Variants in F7 observed in about 807,000 individuals in gnomAD.
F7 encodes the protein coagulation factor VII.
A neutral mutation model predicts 47.5 loss-of-function variants in F7; 38 were observed. That is an observed-to-expected ratio of 0.80 (90% CI 0.62 to 1.05). F7 has a LOEUF of 1.05. Ranked by LOEUF, F7 falls within the 50% of genes least tolerant of loss-of-function variation. The pLI, the probability that F7 is intolerant of heterozygous loss-of-function variation, is 0.00. For missense variants in F7, 575 were observed against 605.4 expected, an observed-to-expected ratio of 0.95 and a Z score of 0.53; for synonymous variants, 244 against 258.5, an observed-to-expected ratio of 0.94 and a Z score of 0.54.
At chr13:113,106,258 A>T (rs2035950702) in intron 1 of F7, among the ~76,000 whole-genome samples, 1 of 112,052 alleles carries the variant, frequency 8.9e-6, no homozygotes, top group Non-Finnish European at 1.8e-5. Context: ...CAGGCTGGGG[A>T]GCACAGGTAG....
chr13:113,110,813 A>T lies in F7; in HGVS notation c.188A>T (p.Glu63Val). ...RECKEEQCSF[E>V]EAREIFKDAE... ...TGCAAGGAGGAGCAGTGCTCCTTCGAGGAGGCCCGGGAGATCTTCAAGGAC... is the reference window on the plus strand; with the variant it reads ...TGCAAGGAGGAGCAGTGCTCCTTCGTGGAGGCCCGGGAGATCTTCAAGGAC... The change falls in exon 2 of 8, where the codon GAG becomes GTG. Residue 63 changes from glutamate to valine, a missense_variant. Transcript: ENST00000346342. 1 of 1,559,418 alleles carries T rather than the reference A, an allele frequency of 6.4e-7. No individual in the cohort carries two copies. Among genetic ancestry groups the T allele is most frequent in the South Asian group, 1.2e-5 (1 of 84,610 alleles).
In F7 at chr13:113,113,639, C is replaced by A; in HGVS notation, c.226-113C>A. On this transcript the variant is annotated intron_variant, in intron 2 of 7. Coordinates refer to ENST00000346342, the MANE Select transcript of F7 (RefSeq NM_019616.4). The surrounding 1 kb of genome is among the most constrained non-coding windows in gnomAD (Gnocchi z 4.1). ...GAAAGTCTGGCTTCCTGAGCCCACCCCGCCAGACCCAGGTCCAAGTCCCCC... is the reference window on the plus strand; with the variant it reads ...GAAAGTCTGGCTTCCTGAGCCCACCACGCCAGACCCAGGTCCAAGTCCCCC... The A allele has an allele frequency of 8.9e-7, 1 of 1,123,684 alleles. No homozygotes were observed. Among genetic ancestry groups the A allele is most frequent in the South Asian group, 1.2e-5 (1 of 81,222 alleles). 69.6% of individuals were successfully genotyped at this position (1,123,684 alleles called of 1,614,324 possible).
At chr13:113,107,939 T>A (rs377309054) in intron 1 of F7, among the ~76,000 whole-genome samples, 1 of 55,736 alleles carries the variant, frequency 1.8e-5, no homozygotes, top group African/African-American at 6.4e-5. Context: ...GTCCCGGGGG[T>A]GTGGGTGTCC....
intron 2 of F7, among the ~76,000 whole-genome samples, chr13:113,112,660 ACACCTCACAGAGGT>A (rs906216027): frequency 7.1e-6 from 1 of 141,814 alleles, no homozygotes; most frequent in Non-Finnish European, 1.5e-5. Flanking sequence ...CACCCACAGG[ACACCTCACAGAGGT>A]CACCTCACAC....
chr13:113,109,368 T>C (rs1244858437), intron 1 of F7, among the ~76,000 whole-genome samples: 4 of 151,984 alleles, frequency 2.6e-5, no homozygotes, highest in Non-Finnish European at 5.9e-5. Flanking sequence ...CCCACCTCCT[T>C]GAGCCCGATT....
chr13:113,113,579 G>T lies in F7; in HGVS notation c.226-173G>T, dbSNP rs535735367. 2.0e-5 allele frequency among the ~76,000 whole-genome samples: 3 copies of T among 152,280 alleles called. No homozygotes were observed. Among genetic ancestry groups the T allele is most frequent in the Non-Finnish European group, 4.4e-5 (3 of 68,022 alleles). On this transcript the variant is annotated intron_variant, in intron 2 of 7. Coordinates refer to ENST00000346342, the MANE Select transcript of F7 (RefSeq NM_019616.4). This position sits in a 1 kb window ranked among gnomAD's most constrained non-coding sequence, Gnocchi z 4.1. ...ATAGTTCCAGATGTCCTGGGGAGGGGCCAAGATTAGAAGAAACCTACCTCA... is the reference window on the plus strand; with the variant it reads ...ATAGTTCCAGATGTCCTGGGGAGGGTCCAAGATTAGAAGAAACCTACCTCA...
In F7 at chr13:113,106,954, G is replaced by A. The variant is rs771689023; in HGVS notation, c.64+1049G>A. On this transcript the variant is annotated intron_variant, in intron 1 of 7. Coordinates refer to ENST00000346342, the MANE Select transcript of F7 (RefSeq NM_019616.4). ...TGGTTTTGTCCTGGGGCCCAGTGGG[G>A]GCCAACATCACCTCCTTCCCCTCCC... The A allele has an allele frequency of 5.1e-6, 8 of 1,561,368 alleles. No homozygotes were observed. In the East Asian group the frequency reaches 1.2e-4, roughly 23 times the overall value.
chr13:113,107,154 T>C (rs1430079132), intron 1 of F7, among the ~76,000 whole-genome samples: 1 of 152,100 alleles, frequency 6.6e-6, no homozygotes, highest in Non-Finnish European at 1.5e-5. Flanking sequence ...CTTCATCAGG[T>C]TTTCCTCAGT....
chr13:113,114,932 T>TGCA (rs1296858997), intron 4 of F7: 3 of 154,840 alleles, frequency 1.9e-5, no homozygotes, highest in African/African-American at 7.2e-5. Context: ...AGCTCTCCTG[T>TGCA]GCAGCAGCCA....
Position 113,113,644 on chromosome 13 carries a change from A to T in F7, c.226-108A>T. Reference sequence around the variant, plus strand: ...TCTGGCTTCCTGAGCCCACCCCGCCAGACCCAGGTCCAAGTCCCCCAACCC... The same window carrying T: ...TCTGGCTTCCTGAGCCCACCCCGCCTGACCCAGGTCCAAGTCCCCCAACCC... On this transcript the variant is annotated intron_variant, in intron 2 of 7. Transcript: ENST00000346342. This position sits in a 1 kb window ranked among gnomAD's most constrained non-coding sequence, Gnocchi z 4.1. 3 of 1,168,300 alleles carry T rather than the reference A, an allele frequency of 2.6e-6. No individual in the cohort carries two copies. The highest frequency in any genetic ancestry group is 2.0e-4 in the Middle Eastern group (1 of 5,066). The allele number at this position is 1,168,300 out of a possible 1,614,324, so 72.4% of individuals were successfully genotyped here. A position where few individuals can be genotyped will look rare whatever the true frequency, so the allele number is the denominator to read the frequency against.
chr13:113,118,426 C>T lies in F7; in HGVS notation c.753C>T (p.Leu251=), dbSNP rs1484091044. The stretch of plus-strand genomic sequence containing the variant: ...TCTTCCTTCCAGGCGAGCACGACCT[C>T]AGCGAGCACGACGGGGATGAGCAGA... ...NLIAVLGEHD[L]SEHDGDEQSR... The change falls in exon 8 of 8, where the codon CTC becomes CTT. Residue 251 remains leucine, a synonymous_variant. Transcript: ENST00000346342. 2.5e-6 allele frequency: 4 copies of T among 1,597,644 alleles called. No individual in the cohort carries two copies. The highest frequency in any genetic ancestry group is 1.1e-5 in the South Asian group (1 of 90,588).
At chr13:113,117,407 G>A (rs544366771) in intron 6 of F7, 66 bp from the exon 7 acceptor site, 2 of 1,603,858 alleles carry the variant, frequency 1.2e-6, no homozygotes, top group Admixed American at 1.7e-5. Context: ...GCATGCCCGG[G>A]AGGGCGAGTC....
chr13:113,109,728 C>G (rs1309102330), intron 1 of F7, among the ~76,000 whole-genome samples: 1 of 152,156 alleles, frequency 6.6e-6, no homozygotes, highest in Non-Finnish European at 1.5e-5. Flanking sequence ...CTCCCGCCTG[C>G]CCCCAGGCCC....
chr13:113,115,790 C>T lies in F7; in HGVS notation c.495C>T (p.Cys165=), dbSNP rs1162843233. ...GYSLLADGVS[C]TPTVEYPCGK... is the part of the protein sequence containing the mutation. ...CTCTGCTGGCAGACGGGGTGTCCTG[C>T]ACACCCACAGGTGACCAGGCTTCAT... Residue 165 remains cysteine (C), a synonymous_variant, in exon 5 of 8, where the codon TGC becomes TGT. Transcript: ENST00000346342. The T allele has an allele frequency of 1.2e-6, 2 of 1,613,148 alleles. No individual in the cohort carries two copies. The highest frequency in any genetic ancestry group is 1.7e-6 in the Non-Finnish European group (2 of 1,180,034).
intron 2 of F7, among the ~76,000 whole-genome samples, chr13:113,112,132 C>A (rs986386778): frequency 1.4e-5 from 2 of 147,116 alleles, no homozygotes; most frequent in Non-Finnish European, 1.5e-5. Flanking sequence ...ACGGGGCACA[C>A]TTCACACTCA....
At position 113,118,695 on chromosome 13, in the gene F7, C is replaced by G. The variant is rs963430078; in HGVS notation, c.1022C>G (p.Pro341Arg). 5 of 1,612,884 alleles carry G rather than the reference C, an allele frequency of 3.1e-6. No homozygotes were observed. Among genetic ancestry groups the G allele is most frequent in the Non-Finnish European group, 4.2e-6 (5 of 1,179,942 alleles). ...TALELMVLNV[P>R]RLMTQDCLQQ... ...CTGGAGCTCATGGTCCTCAACGTGC[C>G]CCGGCTGATGACCCAGGACTGCCTG... Residue 341 changes from proline (P) to arginine (R), a missense_variant, in exon 8 of 8, where the codon CCC becomes CGC. Transcript: ENST00000346342.
Position 113,113,556 on chromosome 13 carries a change from A to G in F7, c.226-196A>G, listed in dbSNP as rs1197695678. Among the ~76,000 whole-genome samples the G allele has an allele frequency of 1.3e-5, 2 of 152,158 alleles. No individual in the cohort carries two copies. The highest frequency in any genetic ancestry group is 1.5e-5 in the Non-Finnish European group (1 of 68,036). On this transcript the variant is annotated intron_variant, in intron 2 of 7. Coordinates refer to ENST00000346342, the MANE Select transcript of F7 (RefSeq NM_019616.4). This position sits in a 1 kb window ranked among gnomAD's most constrained non-coding sequence, Gnocchi z 4.1. ...GAGCAGGAAATGTGTGGTCACCCATAGTTCCAGATGTCCTGGGGAGGGGCC... is the reference window on the plus strand; with the variant it reads ...GAGCAGGAAATGTGTGGTCACCCATGGTTCCAGATGTCCTGGGGAGGGGCC...
In F7 at chr13:113,113,096, ACACT is replaced by A. The variant is rs961087177; in HGVS notation, c.226-652_226-649del. On this transcript the variant is annotated intron_variant, in intron 2 of 7. Transcript: ENST00000346342. This position sits in a 1 kb window ranked among gnomAD's most constrained non-coding sequence, Gnocchi z 4.1. The stretch of plus-strand genomic sequence containing the variant: ...ACACCTCACACTCACAGGATGCCTC[ACACT>A]CACAGAACCACATCTCATATGCACA... Among the ~76,000 whole-genome samples, 14 of 151,832 alleles carry A rather than the reference ACACT, an allele frequency of 9.2e-5. No individual in the cohort carries two copies. Among genetic ancestry groups the A allele is most frequent in the African/African-American group, 2.7e-4 (11 of 41,372 alleles).
rs1310647157 is a variant in F7, at chr13:113,110,671, C to T, written c.65-19C>T. On this transcript the variant is annotated intron_variant, in intron 1 of 7. Transcript: ENST00000346342. ...GGCGGGGCACGCGGTGGGCGCTTCA[C>T]GGAACTCGCATTTCCCAGTCTTCGT... 4 of 1,547,768 alleles carry T rather than the reference C, an allele frequency of 2.6e-6. No homozygotes were observed. Among genetic ancestry groups the T allele is most frequent in the South Asian group, 2.4e-5 (2 of 83,952 alleles).
Sources: gnomAD v4.1 joint callset for allele counts (sites outside exome capture counted in the v4.1 genomes callset) on GRCh38, gnomAD v4.1.1 for gene constraint, Gnocchi (gnomAD v3.1) non-coding constraint, MANE v1.5 for transcripts, NCBI Gene and HGNC (gene_info 2026-07-23, HGNC 2026-07-21) for gene names.